ACOT13: variants seen among roughly 807,000 people sequenced by gnomAD.
ACOT13 encodes acyl-CoA thioesterase 13.
Under a neutral mutation model 11.8 loss-of-function variants are expected in ACOT13, and 10 were observed. That is an observed-to-expected ratio of 0.85 (90% confidence interval 0.53 to 1.44). The LOEUF (loss-of-function observed/expected upper bound fraction) is 1.44. Ranked by LOEUF, ACOT13 falls within the 40% of genes most tolerant of loss-of-function variation. The pLI is 0.00. For synonymous variants in ACOT13, 53 were observed against 61.0 expected, an observed-to-expected ratio of 0.87 and a Z score of 0.61; for missense variants, 172 against 174.1, an observed-to-expected ratio of 0.99 and a Z score of 0.07.
chr6:24,670,948 T>C (rs1170612161), intron 1 of ACOT13, among the ~76,000 whole-genome samples: 1 of 151,926 alleles, frequency 6.6e-6, no homozygotes, highest in Non-Finnish European at 1.5e-5. Flanking sequence ...GAGACCTGCA[T>C]TCAAGAGGAA....
chr6:24,704,824 A>G lies in ACOT13; in HGVS notation c.*3209A>G, dbSNP rs746998383. 20 of 152,240 alleles carry G rather than the reference A, an allele frequency of 1.3e-4. No individual in the cohort carries two copies. Among genetic ancestry groups the G allele is most frequent in the Non-Finnish European group, 2.5e-4 (17 of 68,034 alleles). The allele number at this position is 152,240 out of a possible 1,614,324, so 9.4% of individuals were successfully genotyped here. On this transcript the variant is annotated 3_prime_UTR_variant, in exon 3 of 3. Coordinates refer to ENST00000230048, the MANE Select transcript of ACOT13 (RefSeq NM_018473.4). ...ATAATTCTCTAAGGTGACCAGTAAC[A>G]TCAGTGAAATGGAAAGAAAAAGTTA...
At chr6:24,700,335 A>C (rs952600446) in intron 2 of ACOT13, among the ~76,000 whole-genome samples, 4 of 152,138 alleles carry the variant, frequency 2.6e-5, no homozygotes, top group Admixed American at 6.6e-5. Flanking sequence ...AAAACTGGCC[A>C]AACTACTACT....
chr6:24,693,867 G>A (rs755364832), intron 1 of ACOT13, among the ~76,000 whole-genome samples: 18 of 151,914 alleles, frequency 1.2e-4, no homozygotes, highest in Non-Finnish European at 2.6e-4. Flanking sequence ...GGGATTATAC[G>A]TGTGCCCCAT....
chr6:24,696,347 A>C (rs1448424720), intron 1 of ACOT13, among the ~76,000 whole-genome samples: 1 of 152,214 alleles, frequency 6.6e-6, no homozygotes. Flanking sequence ...CTACATCTAC[A>C]TCTCAGTTTC....
At chr6:24,667,788 C>T (rs1234675419) in intron 1 of ACOT13, among the ~76,000 whole-genome samples, 2 of 152,192 alleles carry the variant, frequency 1.3e-5, no homozygotes, top group Non-Finnish European at 2.9e-5. Context: ...AGTTGTTCCT[C>T]TGTAGTGGTT....
chr6:24,701,645 A>T lies in ACOT13; in HGVS notation c.*30A>T. 1 of 1,568,796 alleles carries T rather than the reference A, an allele frequency of 6.4e-7. No individual in the cohort carries two copies. ...ACAGCAGAATGACCTAAAGAAACCCAACAATGAATATCAAGTATAGATTTG... is the reference window on the plus strand; with the variant it reads ...ACAGCAGAATGACCTAAAGAAACCCTACAATGAATATCAAGTATAGATTTG... On this transcript the variant is annotated 3_prime_UTR_variant, in exon 3 of 3. Coordinates refer to ENST00000230048, the MANE Select transcript of ACOT13 (RefSeq NM_018473.4).
intron 1 of ACOT13, among the ~76,000 whole-genome samples, chr6:24,683,072 C>G (rs1562158539): frequency 1.3e-5 from 2 of 152,134 alleles, no homozygotes; most frequent in Admixed American, 6.5e-5. Context: ...CTTAGTTGGC[C>G]TAGGAAATCC....
chr6:24,682,090 G>C (rs1360720670), intron 1 of ACOT13, among the ~76,000 whole-genome samples: 1 of 152,228 alleles, frequency 6.6e-6, no homozygotes, highest in South Asian at 2.1e-4. Context: ...CCCCAACCCA[G>C]AAGGGTTGGG....
chr6:24,698,145 ATTAG>A, intron 2 of ACOT13, 78 bp downstream of exon 2: 1 of 1,250,428 alleles, frequency 8.0e-7, no homozygotes, highest in South Asian at 1.9e-5. Flanking sequence ...CATTTATATT[ATTAG>A]TAACGCATGA....
intron 1 of ACOT13, among the ~76,000 whole-genome samples, chr6:24,682,690 G>C (rs1778572849): frequency 6.6e-6 from 1 of 151,916 alleles, no homozygotes; most frequent in Non-Finnish European, 1.5e-5. Flanking sequence ...GTCTGCGGTG[G>C]CGGGTCTGCG....
intron 1 of ACOT13, among the ~76,000 whole-genome samples, chr6:24,691,078 A>G (rs1458645096): frequency 6.6e-6 from 1 of 152,190 alleles, no homozygotes; most frequent in African/African-American, 2.4e-5. Flanking sequence ...CCATTTGTCA[A>G]AGGGAACTTT....
chr6:24,704,175 A>C lies in ACOT13; in HGVS notation c.*2560A>C, dbSNP rs1000016540. On this transcript the variant is annotated 3_prime_UTR_variant, in exon 3 of 3. Coordinates refer to ENST00000230048, the MANE Select transcript of ACOT13 (RefSeq NM_018473.4). ...GGAACATATGCCGAAGTACTAAGGA[A>C]GGGGTAAGGAAGCACAAAGTGTGCA... 2.6e-5 allele frequency: 4 copies of C among 152,218 alleles called. No individual in the cohort carries two copies. Among genetic ancestry groups the C allele is most frequent in the African/African-American group, 9.6e-5 (4 of 41,452 alleles). 9.4% of individuals were successfully genotyped at this position (152,218 alleles called of 1,614,324 possible).
In ACOT13 at chr6:24,697,997, A is replaced by G. The variant is rs1394532510; in HGVS notation, c.196A>G (p.Asn66Asp). 1 of 1,613,966 alleles carries G rather than the reference A, an allele frequency of 6.2e-7. No homozygotes were observed. Residue 66 changes from asparagine (N) to aspartate (D), a missense_variant, in exon 2 of 3, where the codon AAC (asparagine) becomes GAC (aspartate). Transcript: ENST00000230048. The stretch of plus-strand genomic sequence containing the variant: ...CGGTTTGACAGCCACGTTAGTAGAT[A>G]ACATATCAACAATGGCTCTGCTATG... Reference protein sequence around the residue: ...HGGLTATLVDNISTMALLCTE... With the variant: ...HGGLTATLVDDISTMALLCTE...
intron 1 of ACOT13, among the ~76,000 whole-genome samples, chr6:24,695,134 C>T (rs528819830): frequency 1.3e-5 from 2 of 152,162 alleles, no homozygotes; most frequent in East Asian, 3.9e-4. Flanking sequence ...CATGGCAAAA[C>T]CCCATCTCTA....
At position 24,674,172 on chromosome 6, in the gene ACOT13, C is replaced by T. The variant is rs144964582; in HGVS notation, c.81+6828C>T. Among the ~76,000 whole-genome samples, 603 of 152,222 alleles carry T rather than the reference C, an allele frequency of 4.0e-3. 3 individuals carry two copies. Among genetic ancestry groups the T allele is most frequent in the African/African-American group, 0.013 (557 of 41,534 alleles). On this transcript the variant is annotated intron_variant, in intron 1 of 2. Coordinates refer to ENST00000230048, the MANE Select transcript of ACOT13 (RefSeq NM_018473.4). ...CACCTCCTGGGTTCAAGTGATTCTC[C>T]TGCCTCAGCCTCTCGAGTCGCTGGG... is the stretch of plus-strand genomic sequence containing the variant.
chr6:24,695,853 G>A (rs528653581), intron 1 of ACOT13, among the ~76,000 whole-genome samples: 24 of 152,248 alleles, frequency 1.6e-4, no homozygotes, highest in African/African-American at 5.8e-4. Context: ...GATCACCTGA[G>A]GTCAGGAGTT....
Position 24,667,225 on chromosome 6 carries a change from G to T in ACOT13, c.-39G>T. The T allele has an allele frequency of 6.2e-7, 1 of 1,603,014 alleles. No homozygotes were observed. The highest frequency in any genetic ancestry group is 8.5e-7 in the Non-Finnish European group (1 of 1,171,186). On this transcript the variant is annotated 5_prime_UTR_variant, in exon 1 of 3. Coordinates refer to ENST00000230048, the MANE Select transcript of ACOT13 (RefSeq NM_018473.4). Reference sequence around the variant, plus strand: ...GGACTTTCCAGCTCTTCCGAAGTTCGTTCTTGCGCAAAGCCCAAAGGCTGG... The same window carrying T: ...GGACTTTCCAGCTCTTCCGAAGTTCTTTCTTGCGCAAAGCCCAAAGGCTGG...
At chr6:24,701,322 T>C in intron 2 of ACOT13, 137 bp from the exon 3 acceptor site, 1 of 668,408 alleles carries the variant, frequency 1.5e-6, no homozygotes. Flanking sequence ...CATTTGATAG[T>C]ACAGAAAGCT....
chr6:24,695,189 G>A (rs1473431875), intron 1 of ACOT13, among the ~76,000 whole-genome samples: 1 of 152,020 alleles, frequency 6.6e-6, no homozygotes, highest in African/African-American at 2.4e-5. Flanking sequence ...CGCACCTGTA[G>A]TCCCATCTAC....
Sources: allele counts gnomAD v4.1 joint callset (sites outside exome capture counted in the v4.1 genomes callset), GRCh38; gene constraint gnomAD v4.1.1; transcripts MANE v1.5; gene names NCBI Gene and HGNC (gene_info 2026-07-23, HGNC 2026-07-21).